Variants in PRKCZ observed in about 807,000 individuals in gnomAD.
PRKCZ encodes protein kinase C zeta.
PRKCZ carries 33 observed loss-of-function variants against 79.5 expected under a neutral mutation model. That is an observed-to-expected ratio of 0.41 (90% CI 0.31 to 0.55). The LOEUF (loss-of-function observed/expected upper bound fraction) is 0.55. Among genes scored for constraint, PRKCZ ranks in the 20% least tolerant of loss-of-function variants. The pLI is 0.19. For missense variants in PRKCZ, 578 were observed against 813.5 expected (o/e 0.71, Z 3.52); for synonymous variants, 342 against 320.9 (o/e 1.07, Z -0.70).
At chr1:2,088,550 G>A (rs1045565750) in intron 4 of PRKCZ, among the ~76,000 whole-genome samples, 10 of 152,194 alleles carry the variant, frequency 6.6e-5, no homozygotes, top group African/African-American at 2.4e-4. Flanking sequence ...TCCATCCCAC[G>A]CCCAGAGCGG....
Position 2,150,808 on chromosome 1 carries a change from G to A in PRKCZ, c.706G>A (p.Asp236Asn), listed in dbSNP as rs1219312647. 1.9e-6 allele frequency: 3 copies of A among 1,613,964 alleles called. No homozygotes were observed. The highest frequency in any genetic ancestry group is 2.2e-5 in the East Asian group (1 of 44,874). ...DDSEDLKPVIDGMDGIKISQG... is the reference protein window; with the variant it reads ...DDSEDLKPVINGMDGIKISQG... ...TCCCTAGGACCTTAAGCCAGTTATC[G>A]ATGGGATGGATGGAATCAAAATCTC... Residue 236 changes from aspartate (D) to asparagine (N), a missense_variant, in exon 9 of 18, where the codon GAT becomes AAT. This residue lies in a region of PRKCZ where 91 missense variants were observed against 97.5 expected (regional missense o/e 0.93). Coordinates refer to ENST00000378567, the MANE Select transcript of PRKCZ (RefSeq NM_002744.6).
intron 5 of PRKCZ, among the ~76,000 whole-genome samples, chr1:2,140,351 G>A (rs1476363544): frequency 2.0e-5 from 3 of 152,112 alleles, no homozygotes; most frequent in South Asian, 2.1e-4. Flanking sequence ...GAAAATGGGC[G>A]ATTGAAAATA....
In PRKCZ at chr1:2,118,239, C is replaced by T. The variant is rs549756243; in HGVS notation, c.335-17023C>T. 4.5e-4 allele frequency among the ~76,000 whole-genome samples: 69 copies of T among 151,790 alleles called. 1 individual carries two copies. Among genetic ancestry groups the T allele is most frequent in the Middle Eastern group, 3.4e-3 (1 of 292 alleles). ...CTTGAACCCCTGACCTTAGGTGATCCGCCCGCCTTGGCCTCCCAAAGTGCT... is the reference window on the plus strand; with the variant it reads ...CTTGAACCCCTGACCTTAGGTGATCTGCCCGCCTTGGCCTCCCAAAGTGCT... On this transcript the variant is annotated intron_variant, in intron 4 of 17. Transcript: ENST00000378567.
chr1:2,134,365 GT>G (rs1035468668), intron 4 of PRKCZ, among the ~76,000 whole-genome samples: 3 of 152,124 alleles, frequency 2.0e-5, no homozygotes, highest in Admixed American at 2.0e-4. Context: ...CTTTCATTTG[GT>G]TCATGAAAGT....
chr1:2,156,413 C>T (rs1201977002), intron 10 of PRKCZ: 2 of 268,850 alleles, frequency 7.4e-6, no homozygotes, highest in Non-Finnish European at 1.5e-5. Flanking sequence ...ATATGTACAG[C>T]TTCACCTTCA....
At position 2,070,226 on chromosome 1, in the gene PRKCZ, C is replaced by T. The variant is rs113300210; in HGVS notation, c.334+10635C>T. On this transcript the variant is annotated intron_variant, in intron 4 of 17. Transcript: ENST00000378567. Reference sequence around the variant, plus strand: ...GATGGCATACCCGGGCAGCGGGACCCTGCTCCAGCCTGCACCCTGGGGAAA... The same window carrying T: ...GATGGCATACCCGGGCAGCGGGACCTTGCTCCAGCCTGCACCCTGGGGAAA... 4.1e-3 allele frequency among the ~76,000 whole-genome samples: 630 copies of T among 152,322 alleles called. 3 individuals carry two copies. The highest frequency in any genetic ancestry group is 0.014 in the African/African-American group (601 of 41,566).
intron 4 of PRKCZ, chr1:2,071,196 C>T (rs1230699459): frequency 7.7e-6 from 2 of 259,514 alleles, no homozygotes; most frequent in East Asian, 1.5e-4. Context: ...CCTCAGTTTC[C>T]TCCTCTGTAA....
intron 4 of PRKCZ, among the ~76,000 whole-genome samples, chr1:2,104,376 G>A (rs1668005455): frequency 6.6e-6 from 1 of 152,208 alleles, no homozygotes; most frequent in Admixed American, 6.5e-5. Context: ...TGGTTGGATA[G>A]ACGCCAGTGC....
chr1:2,135,204 C>G, intron 4 of PRKCZ, 58 bp from the exon 5 acceptor site: 2 of 1,479,924 alleles, frequency 1.4e-6, no homozygotes, highest in Non-Finnish European at 1.9e-6. Flanking sequence ...CAGCTGCACC[C>G]TGCGTGGGCT....
chr1:2,066,996 A>T (rs1661174613), intron 4 of PRKCZ, among the ~76,000 whole-genome samples: 1 of 151,752 alleles, frequency 6.6e-6, no homozygotes, highest in African/African-American at 2.4e-5. Context: ...ATCTCTCAGC[A>T]TTTTTCTGAT....
intron 4 of PRKCZ, among the ~76,000 whole-genome samples, chr1:2,092,779 A>G (rs978929665): frequency 6.6e-6 from 1 of 152,170 alleles, no homozygotes; most frequent in Non-Finnish European, 1.5e-5. Flanking sequence ...CACTGTGAGC[A>G]GGGAGGGCCC....
chr1:2,117,118 T>C (rs932626768), intron 4 of PRKCZ, among the ~76,000 whole-genome samples: 3 of 152,024 alleles, frequency 2.0e-5, no homozygotes, highest in African/African-American at 7.2e-5. Flanking sequence ...CCCAGCTATT[T>C]TGGCATTTTT....
intron 5 of PRKCZ, among the ~76,000 whole-genome samples, chr1:2,138,425 G>GAGGGGCTGCCTCCTCCACTCCCA (rs1676663522): frequency 6.6e-6 from 1 of 152,232 alleles, no homozygotes; most frequent in Non-Finnish European, 1.5e-5. Context: ...ATGAAGGATG[G>GAGGGGCTGCCTCCTCCACTCCCA]TGCCGGGGGT....
chr1:2,129,426 C>T (rs1674536676), intron 4 of PRKCZ, among the ~76,000 whole-genome samples: 1 of 152,140 alleles, frequency 6.6e-6, no homozygotes, highest in Admixed American at 6.5e-5. Flanking sequence ...AGTCACGGTG[C>T]AGCAGGGCCC....
intron 4 of PRKCZ, among the ~76,000 whole-genome samples, chr1:2,100,775 G>A (rs1424795920): frequency 1.3e-5 from 2 of 152,082 alleles, no homozygotes; most frequent in East Asian, 3.9e-4. Context: ...AGGCCTCGTG[G>A]GTTGGAGGAG....
chr1:2,175,607 G>A lies in PRKCZ; in HGVS notation c.1575+294G>A, dbSNP rs374407873. Among the ~76,000 whole-genome samples the A allele has an allele frequency of 1.1e-3, 158 of 144,168 alleles. 1 individual carries two copies. Among genetic ancestry groups the A allele is most frequent in the African/African-American group, 3.9e-3 (154 of 39,202 alleles). The allele number at this position is 144,168 out of a possible 152,430, so 94.6% of individuals were successfully genotyped here. A position where few individuals can be genotyped will look rare whatever the true frequency, so the allele number is the denominator to read the frequency against. ...CCCCTATAATCTGGTGGACAGAGCCGGGGCTGTGTGGGCCGGGTGGGCTGT... is the reference window on the plus strand; with the variant it reads ...CCCCTATAATCTGGTGGACAGAGCCAGGGCTGTGTGGGCCGGGTGGGCTGT... On this transcript the variant is annotated intron_variant, in intron 16 of 17. Transcript: ENST00000378567.
intron 9 of PRKCZ, among the ~76,000 whole-genome samples, chr1:2,151,797 A>G (rs1006419257): frequency 3.3e-5 from 5 of 152,110 alleles, no homozygotes; most frequent in African/African-American, 7.2e-5. Flanking sequence ...TTGGGACTAC[A>G]GGCATGAGCC....
chr1:2,151,040 G>A lies in PRKCZ; in HGVS notation c.876+62G>A, dbSNP rs754779781. 181 of 1,566,854 alleles carry A rather than the reference G, an allele frequency of 1.2e-4. 1 individual carries two copies. Among genetic ancestry groups the A allele is most frequent in the South Asian group, 2.9e-4 (25 of 87,494 alleles). The stretch of plus-strand genomic sequence containing the variant: ...AACGCGCTGCCCTGGGGCCTCCTCC[G>A]GGCTTTAGCGGAATTAATCCATGCA... On this transcript the variant is annotated intron_variant, in intron 9 of 17. Transcript: ENST00000378567.
At chr1:2,175,349 C>G (rs1685233937) in intron 16 of PRKCZ, 36 bp downstream of exon 16, 1 of 1,547,258 alleles carries the variant, frequency 6.5e-7, no homozygotes, top group Non-Finnish European at 8.9e-7. Context: ...ACCCCCATCC[C>G]CATCCCAACC....
Sources: allele counts gnomAD v4.1 joint callset (sites outside exome capture counted in the v4.1 genomes callset), GRCh38; gene constraint gnomAD v4.1.1; regional missense constraint gnomAD v4.1.1; transcripts MANE v1.5; gene names NCBI Gene and HGNC (gene_info 2026-07-23, HGNC 2026-07-21).